The following PRSS57 variants were observed in gnomAD, a reference collection of about 807,000 sequenced individuals.
PRSS57 encodes the protein neutrophil serine protease 4.
PRSS57 carries 19 observed loss-of-function variants against 20.6 expected under a neutral mutation model. The ratio of observed to expected loss-of-function variants is 0.92; its 90% confidence interval spans 0.64 to 1.35. PRSS57 has a LOEUF of 1.35. PRSS57 is among the 40% of genes most tolerant of loss of function. The pLI is 0.00. For missense variants in PRSS57, 440 were observed against 403.7 expected, an observed-to-expected ratio of 1.09 and a Z score of -0.77; for synonymous variants, 203 against 176.6, an observed-to-expected ratio of 1.15 and a Z score of -1.19.
At chr19:690,909 C>T (rs1443086318) in intron 3 of PRSS57, 6 of 431,238 alleles carry the variant, frequency 1.4e-5, no homozygotes, top group Admixed American at 6.1e-5. Context: ...GTGTCCGGGG[C>T]GCTGGCATCG....
chr19:692,059 G>C (rs1053097478), intron 2 of PRSS57, 57 bp from the exon 3 acceptor site: 7 of 1,254,928 alleles, frequency 5.6e-6, no homozygotes, highest in Non-Finnish European at 7.0e-6. Flanking sequence ...CCTGGGCCTC[G>C]GTCCACTCAT....
chr19:690,172 G>A (rs1423724059), intron 3 of PRSS57, among the ~76,000 whole-genome samples: 63 of 151,598 alleles, frequency 4.2e-4, no homozygotes, highest in African/African-American at 1.5e-3. Context: ...TTAGCCGGGC[G>A]TGGTGGCGGG....
In PRSS57 at chr19:687,041, C is replaced by G. The variant is rs1206777363; in HGVS notation, c.526G>C (p.Glu176Gln). 1.2e-6 allele frequency: 2 copies of G among 1,614,072 alleles called. No homozygotes were observed. Among genetic ancestry groups the G allele is most frequent in the Non-Finnish European group, 1.7e-6 (2 of 1,180,030 alleles). Residue 176 changes from glutamate to glutamine, a missense_variant, in exon 4 of 5, where the codon GAG becomes CAG. Physicochemically the swap from Glu to Gln is conservative, Grantham distance 29. Coordinates refer to ENST00000329267, the MANE Select transcript of PRSS57 (RefSeq NM_001308209.2). ...GGGTCCAGCACTCGGACCTTGGCCT[C>G]CATCAGTCCAGGCGGCAGCTCCTCA... ...DFEELPPGLM[E>Q]AKVRVLDPDV...
chr19:694,788 A>G (rs2144819688), intron 2 of PRSS57, 26 bp downstream of exon 2: 1 of 1,594,980 alleles, frequency 6.3e-7, no homozygotes, highest in Non-Finnish European at 8.5e-7. Context: ...GTGTCCAGAA[A>G]GAAGGGGCCC....
chr19:688,740 T>A (rs1302414739), intron 3 of PRSS57, among the ~76,000 whole-genome samples: 1 of 152,006 alleles, frequency 6.6e-6, no homozygotes, highest in Non-Finnish European at 1.5e-5. Flanking sequence ...CTGGGATGAC[T>A]GGCACCCACC....
intron 2 of PRSS57, among the ~76,000 whole-genome samples, chr19:693,439 C>A (rs529239395): frequency 6.6e-6 from 1 of 151,942 alleles, no homozygotes; most frequent in Admixed American, 6.6e-5. Flanking sequence ...GACGGCTGCC[C>A]GTCTGGGCCT....
At chr19:694,761 C>A in intron 2 of PRSS57, 53 bp downstream of exon 2, 1 of 1,544,620 alleles carries the variant, frequency 6.5e-7, no homozygotes, top group Non-Finnish European at 8.7e-7. Flanking sequence ...CTGGAGTCCC[C>A]CTCATGTCGG....
chr19:687,312 C>T, intron 3 of PRSS57, 124 bp from the exon 4 acceptor site: 1 of 1,198,618 alleles, frequency 8.3e-7, no homozygotes, highest in East Asian at 2.7e-5. Context: ...CACCATGAGG[C>T]CGGGTCAGGA....
chr19:693,477 C>A (rs1047205736), intron 2 of PRSS57, among the ~76,000 whole-genome samples: 2 of 151,938 alleles, frequency 1.3e-5, no homozygotes, highest in Non-Finnish European at 2.9e-5. Context: ...AAATGGAGGC[C>A]CAGTAATCCA....
intron 2 of PRSS57, among the ~76,000 whole-genome samples, chr19:693,015 C>T (rs554660994): frequency 7.3e-5 from 11 of 151,352 alleles, no homozygotes; most frequent in Admixed American, 7.2e-4. Flanking sequence ...GCAAGCTCCA[C>T]CTCCCGGGTT....
In PRSS57 at chr19:685,888, C is replaced by T. The variant is rs774386363; in HGVS notation, c.677G>A (p.Arg226Gln). The change falls in exon 5 of 5, where the codon CGG becomes CAG. Residue 226 changes from arginine (R) to glutamine (Q), a missense_variant. Arg to Gln is a conservative substitution (Grantham distance 43). Coordinates refer to ENST00000329267, the MANE Select transcript of PRSS57 (RefSeq NM_001308209.2). ...CGAGAAGGAAACGAGGCCGTGAGCC[C>T]GGTTCCTGCACACCAGGGGCCCTCC... ...DSGGPLVCRN[R>Q]AHGLVSFSGL... 2.1e-5 allele frequency: 32 copies of T among 1,551,406 alleles called. No homozygotes were observed. The highest frequency in any genetic ancestry group is 1.7e-4 in the Middle Eastern group (1 of 5,992).
In PRSS57 at chr19:685,907, GC is replaced by G. The variant is rs1423312916; in HGVS notation, c.657del (p.Leu221TrpfsTer115). Reference protein sequence around the residue: ...RRGFCSADSGGPLVCRNRAHG... With the variant: ...RRGFCSADSGXPLVCRNRAHG... ...TGAGCCCGGTTCCTGCACACCAGGG[GC>G]CCTCCGGAGTCGGCCTGGAGTGAAA... On this transcript the variant is annotated frameshift_variant, in exon 5 of 5. Coordinates refer to ENST00000329267, the MANE Select transcript of PRSS57 (RefSeq NM_001308209.2). LOFTEE classifies it low-confidence loss of function (END_TRUNC). 1.4e-5 allele frequency: 22 copies of G among 1,545,272 alleles called. No individual in the cohort carries two copies. The highest frequency in any genetic ancestry group is 1.8e-5 in the Non-Finnish European group (21 of 1,144,028).
In PRSS57 at chr19:691,939, C is replaced by G. The variant is rs145585746; in HGVS notation, c.297G>C (p.Gln99His). 4.5e-6 allele frequency: 6 copies of G among 1,334,312 alleles called. No homozygotes were observed. In the African/African-American group the frequency reaches 7.5e-5, roughly 17 times the overall value. The allele number at this position is 1,334,312 out of a possible 1,614,324, so 82.7% of individuals were successfully genotyped here. The change falls in exon 3 of 5, where the codon CAG (glutamine) becomes CAC (histidine). Residue 99 changes from glutamine (Q) to histidine (H), a missense_variant. Physicochemically the swap from Gln to His is conservative, Grantham distance 24 (BLOSUM62 0). Coordinates refer to ENST00000329267, the MANE Select transcript of PRSS57 (RefSeq NM_001308209.2). ...AHVLSTAEPT[Q>H]QVFGIDALTT... The stretch of plus-strand genomic sequence containing the variant: ...TGAGAGCATCGATGCCAAACACCTG[C>G]TGGGTGGGCTCCGCAGTACTCAGGA...
At chr19:688,597 A>G (rs1482675081) in intron 3 of PRSS57, among the ~76,000 whole-genome samples, 4 of 106,776 alleles carry the variant, frequency 3.7e-5, no homozygotes, top group East Asian at 5.7e-4. Flanking sequence ...GACTCCACCC[A>G]GGGACTTTTT....
At chr19:686,871 G>A in intron 4 of PRSS57, 54 bp downstream of exon 4, 1 of 1,571,712 alleles carries the variant, frequency 6.4e-7, no homozygotes, top group South Asian at 1.2e-5. Context: ...GACCCTCTCT[G>A]TGGGCCTTGG....
chr19:690,492 C>G lies in PRSS57; in HGVS notation c.378+1366G>C, dbSNP rs1328714325. The G allele has an allele frequency of 1.8e-5, 4 of 216,616 alleles. No individual in the cohort carries two copies. In the Admixed American group the frequency reaches 2.1e-4, roughly 11 times the overall value. The allele number at this position is 216,616 out of a possible 1,614,324, so 13.4% of individuals were successfully genotyped here. On this transcript the variant is annotated intron_variant, in intron 3 of 4. Coordinates refer to ENST00000329267, the MANE Select transcript of PRSS57 (RefSeq NM_001308209.2). ...AAGACAGAGGATAAGGAGTAGACGC[C>G]TGTCACCAAGCTGGGCCGCCTGGTC...
intron 1 of PRSS57, 39 bp from the exon 2 acceptor site, chr19:695,006 G>A (rs1353882240): frequency 6.7e-7 from 1 of 1,486,428 alleles, no homozygotes; most frequent in East Asian, 2.4e-5. Context: ...CGAGGCGGGA[G>A]GAACGGATGA....
At position 694,906 on chromosome 19, in the gene PRSS57, C is replaced by T. The variant is rs1396426286; in HGVS notation, c.141G>A (p.Met47Ile). 3 of 1,601,662 alleles carry T rather than the reference C, an allele frequency of 1.9e-6. No homozygotes were observed. In the East Asian group the frequency reaches 6.8e-5, roughly 36 times the overall value. ...GTTGGCCCCCGAAGCGCACGGATGC[C>T]ATGTAGGGCCTGGAGTGGGGGGTCA... ...HEVTPHSRPY[M>I]ASVRFGGQHH... is the part of the protein sequence containing the mutation. Residue 47 changes from methionine (M) to isoleucine (I), a missense_variant, in exon 2 of 5, where the codon ATG becomes ATA. Coordinates refer to ENST00000329267, the MANE Select transcript of PRSS57 (RefSeq NM_001308209.2).
At chr19:692,771 C>A (rs971415190) in intron 2 of PRSS57, among the ~76,000 whole-genome samples, 4 of 151,690 alleles carry the variant, frequency 2.6e-5, no homozygotes, top group Admixed American at 6.6e-5. Context: ...TTTTTCCTAC[C>A]TCCAATATAG....
Sources: gnomAD v4.1 joint callset for allele counts (sites outside exome capture counted in the v4.1 genomes callset) on GRCh38, gnomAD v4.1.1 for gene constraint, MANE v1.5 for transcripts, NCBI Gene and HGNC (gene_info 2026-07-23, HGNC 2026-07-21) for gene names.